Variants in CAMK4 observed in about 807,000 individuals in gnomAD.
CAMK4 encodes calcium/calmodulin dependent protein kinase IV.
Under a neutral mutation model 44.9 loss-of-function variants are expected in CAMK4, and 22 were observed. The observed-to-expected ratio is 0.49, with a 90% CI of 0.35 to 0.70. CAMK4 has a LOEUF of 0.70. Ranked by LOEUF, CAMK4 falls within the 30% of genes least tolerant of loss-of-function variation. The pLI, the probability that CAMK4 is intolerant of heterozygous loss-of-function variation, is 0.01. For missense variants in CAMK4, 498 were observed against 586.8 expected, an observed-to-expected ratio of 0.85 and a Z score of 1.56; for synonymous variants, 218 against 215.4, an observed-to-expected ratio of 1.01 and a Z score of -0.11.
At chr5:111,323,842 T>C (rs1194219092) in intron 1 of CAMK4, among the ~76,000 whole-genome samples, 1 of 152,064 alleles carries the variant, frequency 6.6e-6, no homozygotes, top group Non-Finnish European at 1.5e-5. Flanking sequence ...AAATAGAATG[T>C]AGGTAATATG....
chr5:111,492,202 T>G lies in CAMK4; in HGVS notation c.*7736T>G, dbSNP rs1755869686. 6.6e-6 allele frequency: 1 copy of G among 152,214 alleles called. No homozygotes were observed. The highest frequency in any genetic ancestry group is 1.5e-5 in the Non-Finnish European group (1 of 68,036). The allele number at this position is 152,214 out of a possible 1,614,324, so 9.4% of individuals were successfully genotyped here. ...CATTCATGACCTTTGTGTTTCCGTT[T>G]GACTTTCAACATCTGTAACCAAAAG... is the stretch of plus-strand genomic sequence containing the variant. On this transcript the variant is annotated 3_prime_UTR_variant, in exon 11 of 11. Coordinates refer to ENST00000282356, the MANE Select transcript of CAMK4 (RefSeq NM_001744.6).
intron 7 of CAMK4, among the ~76,000 whole-genome samples, chr5:111,472,973 C>A (rs1249207524): frequency 2.6e-5 from 4 of 152,154 alleles, no homozygotes; most frequent in Admixed American, 1.3e-4. Context: ...ACTTTCATTT[C>A]TTTGTTTTCT....
intron 1 of CAMK4, among the ~76,000 whole-genome samples, chr5:111,300,981 ATT>A (rs1747695206): frequency 2.0e-5 from 3 of 152,166 alleles, no homozygotes; most frequent in Non-Finnish European, 1.5e-5. Flanking sequence ...TTTATTTATT[ATT>A]AAGAAAATTT....
intron 7 of CAMK4, among the ~76,000 whole-genome samples, chr5:111,459,592 T>C (rs1425197801): frequency 1.3e-5 from 2 of 152,032 alleles, no homozygotes; most frequent in Non-Finnish European, 2.9e-5. Context: ...CCAAATATAT[T>C]TTGGATTGAG....
intron 7 of CAMK4, among the ~76,000 whole-genome samples, chr5:111,459,379 T>G (rs1219699297): frequency 6.6e-6 from 1 of 151,996 alleles, no homozygotes; most frequent in African/African-American, 2.4e-5. Context: ...GGTTTGGGAG[T>G]GTTCACAAAA....
intron 1 of CAMK4, among the ~76,000 whole-genome samples, chr5:111,337,680 T>TAAAA (rs1174151271): frequency 6.6e-6 from 1 of 151,322 alleles, no homozygotes; most frequent in East Asian, 2.0e-4. Flanking sequence ...GGAGGTTGTA[T>TAAAA]AAAAAGTAGA....
chr5:111,357,618 G>C (rs1342390904), intron 2 of CAMK4, among the ~76,000 whole-genome samples: 2 of 152,030 alleles, frequency 1.3e-5, no homozygotes, highest in African/African-American at 4.8e-5. Flanking sequence ...TTATTTTCTA[G>C]AAGAGGGGAA....
intron 5 of CAMK4, among the ~76,000 whole-genome samples, chr5:111,406,384 T>C (rs1378603460): frequency 6.6e-6 from 1 of 151,794 alleles, no homozygotes; most frequent in Non-Finnish European, 1.5e-5. Context: ...CCACCATGCC[T>C]GGCTAATTTT....
chr5:111,237,396 C>A (rs931804184), intron 1 of CAMK4, among the ~76,000 whole-genome samples: 1 of 152,174 alleles, frequency 6.6e-6, no homozygotes, highest in Non-Finnish European at 1.5e-5. Context: ...CACCTTAGTT[C>A]TTTATGTTGT....
chr5:111,426,559 ATGGTACC>A (rs1304076564), intron 5 of CAMK4, among the ~76,000 whole-genome samples: 2 of 152,226 alleles, frequency 1.3e-5, no homozygotes, highest in African/African-American at 4.8e-5. Context: ...GTGAGCTCTC[ATGGTACC>A]TGGTTTTAAC....
chr5:111,442,218 GT>G (rs1753848361), intron 5 of CAMK4, among the ~76,000 whole-genome samples: 1 of 152,158 alleles, frequency 6.6e-6, no homozygotes, highest in South Asian at 2.1e-4. Flanking sequence ...TCTCAGTCAG[GT>G]GCTGTGGCTC....
At chr5:111,286,057 G>A (rs1406027658) in intron 1 of CAMK4, among the ~76,000 whole-genome samples, 2 of 152,200 alleles carry the variant, frequency 1.3e-5, no homozygotes, top group Non-Finnish European at 2.9e-5. Context: ...AAAACGCAAA[G>A]TGGAAGTCAT....
intron 1 of CAMK4, among the ~76,000 whole-genome samples, chr5:111,324,377 T>C (rs952933263): frequency 6.6e-6 from 1 of 152,034 alleles, no homozygotes; most frequent in Non-Finnish European, 1.5e-5. Context: ...ATTCTAAATA[T>C]AAGAAAGTTG....
intron 1 of CAMK4, among the ~76,000 whole-genome samples, chr5:111,234,539 T>C (rs1026524144): frequency 6.6e-6 from 1 of 152,210 alleles, no homozygotes; most frequent in Non-Finnish European, 1.5e-5. Context: ...ATATAACTAA[T>C]GCACTTCGTG....
chr5:111,472,309 T>TC (rs1238497394), intron 7 of CAMK4, among the ~76,000 whole-genome samples: 1 of 152,058 alleles, frequency 6.6e-6, no homozygotes, highest in Non-Finnish European at 1.5e-5. Flanking sequence ...GGTGTCCTCA[T>TC]CCCCAAGGCC....
chr5:111,397,988 A>G (rs997602119), intron 5 of CAMK4, among the ~76,000 whole-genome samples: 1 of 152,096 alleles, frequency 6.6e-6, no homozygotes, highest in African/African-American at 2.4e-5. Flanking sequence ...GAGTAACAGA[A>G]TGCATATATC....
chr5:111,308,217 A>T (rs1035800401), intron 1 of CAMK4, among the ~76,000 whole-genome samples: 2 of 146,186 alleles, frequency 1.4e-5, no homozygotes, highest in South Asian at 2.2e-4. Flanking sequence ...AACCTGCACA[A>T]TGTGCACATG....
Position 111,475,233 on chromosome 5 carries a change from T to A in CAMK4, c.701+1847T>A, listed in dbSNP as rs148562572. On this transcript the variant is annotated intron_variant, in intron 8 of 10. Transcript: ENST00000282356. ...GGAATTTGGAGAGATAAAGATCCTG[T>A]TTTTGTCCCCAAAATGTAGGTTTGC... Among the ~76,000 whole-genome samples, 891 of 152,244 alleles carry A rather than the reference T, an allele frequency of 5.9e-3. 13 individuals carry two copies. The highest frequency in any genetic ancestry group is 0.021 in the African/African-American group (859 of 41,550).
Position 111,292,598 on chromosome 5 carries a change from C to A in CAMK4, c.162-51426C>A, listed in dbSNP as rs191710987. 3.9e-3 allele frequency among the ~76,000 whole-genome samples: 593 copies of A among 151,952 alleles called. 4 individuals carry two copies. Among genetic ancestry groups the A allele is most frequent in the Non-Finnish European group, 3.7e-3 (252 of 67,964 alleles). ...AGAAAAATCTAAGTCCTCCCTTAGC[C>A]TTTTTTTAATCATGAATTTGGATTT... On this transcript the variant is annotated intron_variant, in intron 1 of 10. Transcript: ENST00000282356.
Sources: gnomAD v4.1 joint callset for allele counts (sites outside exome capture counted in the v4.1 genomes callset) on GRCh38, gnomAD v4.1.1 for gene constraint, MANE v1.5 for transcripts, NCBI Gene and HGNC (gene_info 2026-07-23, HGNC 2026-07-21) for gene names.